CD247: variants seen among roughly 807,000 people sequenced by gnomAD.
CD247 encodes the protein T-cell surface glycoprotein CD3 zeta chain.
A neutral mutation model predicts 30.0 loss-of-function variants in CD247; 13 were observed. The observed-to-expected ratio is 0.43, with a 90% CI of 0.28 to 0.69. CD247 has a LOEUF of 0.69. Ranked by LOEUF, CD247 falls within the 30% of genes least tolerant of loss-of-function variation. The probability of loss-of-function intolerance (pLI) is 0.16; values close to 1 mark genes in which losing one functional copy is unlikely to be tolerated. For synonymous variants in CD247, 72 were observed against 80.0 expected, an observed-to-expected ratio of 0.90 and a Z score of 0.53; for missense variants, 193 against 212.6, an observed-to-expected ratio of 0.91 and a Z score of 0.57.
At chr1:167,516,782 T>G (rs1396277685) in intron 1 of CD247, among the ~76,000 whole-genome samples, 1 of 152,112 alleles carries the variant, frequency 6.6e-6, no homozygotes, top group African/African-American at 2.4e-5. Flanking sequence ...CTGCCCCCTA[T>G]TTGTGGAAAT....
intron 1 of CD247, among the ~76,000 whole-genome samples, chr1:167,479,538 C>T (rs986374164): frequency 8.5e-5 from 13 of 152,104 alleles, no homozygotes; most frequent in Non-Finnish European, 1.9e-4. Flanking sequence ...GGCCATGCCT[C>T]CCCCTGTTCA....
intron 1 of CD247, among the ~76,000 whole-genome samples, chr1:167,479,084 A>C (rs1437020920): frequency 6.6e-6 from 1 of 152,220 alleles, no homozygotes; most frequent in Non-Finnish European, 1.5e-5. Context: ...CCTAGTTACC[A>C]AAAAAGATAA....
At chr1:167,457,994 C>T (rs536618065) in intron 1 of CD247, among the ~76,000 whole-genome samples, 17 of 152,286 alleles carry the variant, frequency 1.1e-4, no homozygotes, top group African/African-American at 4.1e-4. Flanking sequence ...CTCACATTTT[C>T]AAGAACCTAT....
chr1:167,465,769 GC>G (rs1272115471), intron 1 of CD247, among the ~76,000 whole-genome samples: 1 of 152,218 alleles, frequency 6.6e-6, no homozygotes, highest in Non-Finnish European at 1.5e-5. Context: ...TCTAGCCTAG[GC>G]TGCCAGACAC....
Position 167,431,451 on chromosome 1 carries a change from G to A in CD247, c.*230C>T. ...GTCTACCTGCACCACCGGCAAACCA[G>A]AGGGCCCAAGGCCAGGGCCGTAAGC... is the stretch of plus-strand genomic sequence containing the variant. On this transcript the variant is annotated 3_prime_UTR_variant, in exon 8 of 8. Transcript: ENST00000362089. The A allele has an allele frequency of 1.6e-6, 1 of 609,018 alleles. No individual in the cohort carries two copies. Among genetic ancestry groups the A allele is most frequent in the South Asian group, 2.0e-5 (1 of 50,642 alleles). The allele number at this position is 609,018 out of a possible 1,614,324, so 37.7% of individuals were successfully genotyped here. A position where few individuals can be genotyped will look rare whatever the true frequency, so the allele number is the denominator to read the frequency against.
At chr1:167,452,997 A>G (rs867004288) in intron 1 of CD247, among the ~76,000 whole-genome samples, 12 of 106,984 alleles carry the variant, frequency 1.1e-4, no homozygotes, top group South Asian at 6.6e-4. Context: ...ATGTGTGTGT[A>G]TGTGTGTGTG....
At position 167,490,572 on chromosome 1, in the gene CD247, G is replaced by A. The variant is rs184489139; in HGVS notation, c.58+27836C>T. Among the ~76,000 whole-genome samples, 127 of 152,104 alleles carry A rather than the reference G, an allele frequency of 8.3e-4. 1 individual carries two copies. The highest frequency in any genetic ancestry group is 1.5e-3 in the Non-Finnish European group (104 of 68,020). On this transcript the variant is annotated intron_variant, in intron 1 of 7. Transcript: ENST00000362089. ...TGCGAGGCGGAGGTTGCAGCGAGCC[G>A]AGATCGCGCCACTGCACTCCAGCCT...
chr1:167,438,540 G>A (rs1402878729), intron 4 of CD247, 30 bp downstream of exon 4: 6 of 1,564,742 alleles, frequency 3.8e-6, no homozygotes, highest in Non-Finnish European at 4.4e-6. Context: ...ACACATGCAG[G>A]AACACACAGG....
intron 5 of CD247, chr1:167,434,751 A>G (rs1571507000): frequency 2.2e-6 from 1 of 453,848 alleles, no homozygotes; most frequent in East Asian, 7.0e-5. Flanking sequence ...GGGTTTGGGG[A>G]GGGAAGGGAG....
chr1:167,511,760 C>T (rs759252214), intron 1 of CD247, among the ~76,000 whole-genome samples: 14 of 152,112 alleles, frequency 9.2e-5, no homozygotes, highest in Non-Finnish European at 1.6e-4. Context: ...GCACACTGTT[C>T]AAGGTGCAGA....
At chr1:167,435,342 C>T (rs777044997) in intron 5 of CD247, 57 bp downstream of exon 5, 8 of 1,323,696 alleles carry the variant, frequency 6.0e-6, no homozygotes, top group Admixed American at 5.1e-5. Flanking sequence ...CTCTGGAGCC[C>T]TCCTCCAGCC....
At chr1:167,498,034 G>GA (rs1558027898) in intron 1 of CD247, among the ~76,000 whole-genome samples, 1 of 152,202 alleles carries the variant, frequency 6.6e-6, no homozygotes, top group Non-Finnish European at 1.5e-5. Flanking sequence ...AGATCTTGCT[G>GA]TAGATGGGTG....
intron 1 of CD247, among the ~76,000 whole-genome samples, chr1:167,463,079 G>A (rs761351854): frequency 7.2e-5 from 11 of 152,176 alleles, no homozygotes; most frequent in African/African-American, 1.4e-4. Flanking sequence ...ATGGGCAGTC[G>A]CCGGGCCATC....
intron 1 of CD247, among the ~76,000 whole-genome samples, chr1:167,470,144 CCTCAGGTGATCCACCCAT>C (rs1371531105): frequency 6.6e-6 from 1 of 152,080 alleles, no homozygotes; most frequent in African/African-American, 2.4e-5. Flanking sequence ...GAACTCCTGA[CCTCAGGTGATCCACCCAT>C]CTCAGCTTCC....
At chr1:167,435,509 C>A in intron 4 of CD247, 75 bp from the exon 5 acceptor site, 1 of 1,203,998 alleles carries the variant, frequency 8.3e-7, no homozygotes, top group South Asian at 1.2e-5. Context: ...CAAACCCCAT[C>A]CTGCCCCCTG....
At chr1:167,440,874 G>C in intron 1 of CD247, 107 bp from the exon 2 acceptor site, 2 of 729,148 alleles carry the variant, frequency 2.7e-6, no homozygotes, top group Non-Finnish European at 4.9e-6. Context: ...TCATGACACG[G>C]AGACTATATC....
chr1:167,487,073 C>CA (rs768259910), intron 1 of CD247, among the ~76,000 whole-genome samples: 5,523 of 102,720 alleles, frequency 0.054, 137 homozygotes, highest in Middle Eastern at 0.074. Flanking sequence ...GACTCCATTT[C>CA]AAAAAAAAAA....
chr1:167,514,333 T>C (rs1571607393), intron 1 of CD247, among the ~76,000 whole-genome samples: 2 of 152,196 alleles, frequency 1.3e-5, no homozygotes, highest in Middle Eastern at 6.8e-3. Flanking sequence ...GAGATGGGGT[T>C]TCACCACATT....
rs560871451 is a variant in CD247, at chr1:167,444,779, T to C, written c.59-4012A>G. Among the ~76,000 whole-genome samples, 727 of 152,320 alleles carry C rather than the reference T, an allele frequency of 4.8e-3. 9 individuals carry two copies. The highest frequency in any genetic ancestry group is 6.3e-3 in the Non-Finnish European group (427 of 68,024). On this transcript the variant is annotated intron_variant, in intron 1 of 7. Coordinates refer to ENST00000362089, the MANE Select transcript of CD247 (RefSeq NM_198053.3). ...CAAATGTAAATTTCTGTCAAACAGATGCAATAAAATTAAAGCTTTGGTCCT... is the reference window on the plus strand; with the variant it reads ...CAAATGTAAATTTCTGTCAAACAGACGCAATAAAATTAAAGCTTTGGTCCT...
Sources: gnomAD v4.1 joint callset for allele counts (sites outside exome capture counted in the v4.1 genomes callset) on GRCh38, gnomAD v4.1.1 for gene constraint, MANE v1.5 for transcripts, NCBI Gene and HGNC (gene_info 2026-07-23, HGNC 2026-07-21) for gene names.